MID2: variants seen among roughly 807,000 people sequenced by gnomAD.
The protein encoded by MID2 is midline 2, also known as probable E3 ubiquitin-protein ligase MID2.
MID2 carries 13 observed loss-of-function variants against 46.1 expected under a neutral mutation model. That is an observed-to-expected ratio of 0.28 (90% CI 0.18 to 0.45). MID2 has a LOEUF of 0.45. Ranked by LOEUF, MID2 falls within the 20% of genes least tolerant of loss-of-function variation. MID2 has a pLI of 1.00. For synonymous variants in MID2, 199 were observed against 212.3 expected, an observed-to-expected ratio of 0.94 and a Z score of 0.55; for missense variants, 431 against 575.4, an observed-to-expected ratio of 0.75 and a Z score of 2.57.
chrX:107,889,312 C>T (rs1175273430), intron 3 of MID2, among the ~76,000 whole-genome samples: 2 of 111,622 alleles, frequency 1.8e-5, no homozygotes, highest in African/African-American at 6.5e-5. Context: ...TTAGGGCAGG[C>T]CTGGTGGTGA....
chrX:107,888,225 A>C (rs1347507553), intron 3 of MID2, among the ~76,000 whole-genome samples: 8 of 111,621 alleles, frequency 7.2e-5, no homozygotes, highest in Admixed American at 1.9e-4. Context: ...TTAGGGTGTC[A>C]ATTTCAGATC....
intron 3 of MID2, among the ~76,000 whole-genome samples, chrX:107,889,022 T>G (rs1348030569): frequency 9.0e-6 from 1 of 111,136 alleles, no homozygotes; most frequent in Non-Finnish European, 1.9e-5. Flanking sequence ...GTCTCTGCAC[T>G]TGAGATGGGT....
intron 3 of MID2, among the ~76,000 whole-genome samples, chrX:107,854,942 A>G (rs777467745): frequency 2.7e-5 from 3 of 111,724 alleles, no homozygotes; most frequent in East Asian, 5.6e-4. Context: ...GGGGCAACCT[A>G]TTCTCCTTTC....
intron 3 of MID2, among the ~76,000 whole-genome samples, chrX:107,885,519 T>C (rs1407861660): frequency 4.5e-5 from 5 of 111,485 alleles, no homozygotes; most frequent in African/African-American, 6.5e-5. Flanking sequence ...TCCAGTCTAT[T>C]ATTGTTGGAC....
rs774632244 is a variant in MID2, at chrX:107,924,422, C to T, written c.1515C>T (p.Ser505=). The T allele has an allele frequency of 2.5e-6, 3 of 1,209,150 alleles. No individual in the cohort carries two copies. The highest frequency in any genetic ancestry group is 3.4e-6 in the Non-Finnish European group (3 of 894,381). Residue 505 remains serine (S), a synonymous_variant, in exon 8 of 10, where the codon AGC becomes AGT. Coordinates refer to ENST00000262843, the MANE Select transcript of MID2 (RefSeq NM_012216.4). ...QNHYTVHGLQ[S]GTRYIFIVKA... ...ATTACACAGTGCATGGACTCCAGAGCGGGACTCGCTACATCTTCATCGTTA... is the reference window on the plus strand; with the variant it reads ...ATTACACAGTGCATGGACTCCAGAGTGGGACTCGCTACATCTTCATCGTTA...
chrX:107,896,452 C>T (rs1932736474), intron 3 of MID2: 1 of 112,829 alleles, frequency 8.9e-6, no homozygotes, highest in South Asian at 3.6e-4. Context: ...GTTTGGTTGT[C>T]TGTTCCCTGA....
intron 3 of MID2, among the ~76,000 whole-genome samples, chrX:107,870,441 T>C (rs1932039144): frequency 9.0e-6 from 1 of 111,325 alleles, no homozygotes; most frequent in African/African-American, 3.3e-5. Context: ...TCTAAAACCA[T>C]CTAGGCCTGG....
At chrX:107,847,436 G>A (rs1172838675) in intron 2 of MID2, among the ~76,000 whole-genome samples, 1 of 111,648 alleles carries the variant, frequency 9.0e-6, no homozygotes, top group Non-Finnish European at 1.9e-5. Flanking sequence ...TATTGGAGAA[G>A]AAGGACCAAA....
rs756139554 is a variant in MID2, at chrX:107,924,471, C to G, written c.1564C>G (p.Arg522Gly). The change falls in exon 8 of 10, where the codon CGG (arginine) becomes GGG (glycine). Residue 522 changes from arginine (R) to glycine (G), a missense_variant. Physicochemically the swap from Arg to Gly is moderately radical, Grantham distance 125 (BLOSUM62 -2). Transcript: ENST00000262843. ...TAAAGCCATAAACCAAGCCGGCAGC[C>G]GGAACAGTGAACCTACCCGACTAAA... Reference protein sequence around the residue: ...IVKAINQAGSRNSEPTRLKTN... With the variant: ...IVKAINQAGSGNSEPTRLKTN... The G allele has an allele frequency of 9.1e-6, 11 of 1,211,549 alleles. No individual in the cohort carries two copies. Among genetic ancestry groups the G allele is most frequent in the Non-Finnish European group, 1.2e-5 (11 of 895,291 alleles).
Position 107,852,143 on chromosome X carries a change from C to T in MID2, c.721-2466C>T, listed in dbSNP as rs190432698. Among the ~76,000 whole-genome samples the T allele has an allele frequency of 1.3e-4, 14 of 111,809 alleles. No individual in the cohort carries two copies. The East Asian group carries it at 3.7e-3, about 29-fold the overall frequency. ...CTGACCTCAGGTGATCCACCCACCT[C>T]GGTCTCCCAAAGTGCTGGGATTACA... On this transcript the variant is annotated intron_variant, in intron 2 of 9. Coordinates refer to ENST00000262843, the MANE Select transcript of MID2 (RefSeq NM_012216.4).
intron 3 of MID2, among the ~76,000 whole-genome samples, chrX:107,890,590 G>C (rs945157862): frequency 8.9e-6 from 1 of 112,363 alleles, no homozygotes; most frequent in Non-Finnish European, 1.9e-5. Flanking sequence ...GAGGCAGTCT[G>C]TCTGTTCTCA....
intron 1 of MID2, among the ~76,000 whole-genome samples, chrX:107,826,776 G>A (rs1930960469): frequency 8.8e-6 from 1 of 113,382 alleles, no homozygotes; most frequent in South Asian, 3.5e-4. Flanking sequence ...GCCTGGGCGC[G>A]AGTCTGGGAA....
intron 7 of MID2, among the ~76,000 whole-genome samples, chrX:107,923,892 G>A (rs1411559983): frequency 8.9e-6 from 1 of 111,817 alleles, no homozygotes; most frequent in Non-Finnish European, 1.9e-5. Context: ...TGTAAAATAA[G>A]GGAAATACAG....
In MID2 at chrX:107,927,389, T is replaced by C. The variant is rs773379765; in HGVS notation, c.*316T>C. The stretch of plus-strand genomic sequence containing the variant: ...TAAATTATATTGGAAGCAATTAGGG[T>C]AATTCTAGTTAAATAATGTGGAAAG... On this transcript the variant is annotated 3_prime_UTR_variant, in exon 10 of 10. Coordinates refer to ENST00000262843, the MANE Select transcript of MID2 (RefSeq NM_012216.4). Among the ~76,000 whole-genome samples the C allele has an allele frequency of 2.7e-5, 3 of 111,535 alleles. No homozygotes were observed. The highest frequency in any genetic ancestry group is 5.7e-5 in the Non-Finnish European group (3 of 53,095).
intron 3 of MID2, among the ~76,000 whole-genome samples, chrX:107,902,292 C>T (rs966473794): frequency 5.4e-5 from 6 of 111,684 alleles, no homozygotes; most frequent in Non-Finnish European, 9.4e-5. Context: ...AAACCAGGTA[C>T]GACATCATTG....
chrX:107,913,354 G>C (rs1004850816), intron 5 of MID2, among the ~76,000 whole-genome samples: 5 of 111,631 alleles, frequency 4.5e-5, no homozygotes, highest in Non-Finnish European at 7.5e-5. Context: ...GGCTACATAT[G>C]GTGTGTTGAG....
Position 107,854,644 on chromosome X carries a change from G to A in MID2, c.756G>A (p.Lys252=). Residue 252 remains lysine (K), a synonymous_variant, in exon 3 of 10, where the codon AAG becomes AAA. Coordinates refer to ENST00000262843, the MANE Select transcript of MID2 (RefSeq NM_012216.4). ...TLEMNLTNLV[K]RNSELENQMA... is the part of the protein sequence containing the mutation. ...AGATGAACCTCACCAACCTGGTTAA[G>A]CGCAACAGCGAACTAGAAAATCAAA... is the stretch of plus-strand genomic sequence containing the variant. 8.3e-7 allele frequency: 1 copy of A among 1,211,052 alleles called. No individual in the cohort carries two copies. The highest frequency in any genetic ancestry group is 1.1e-6 in the Non-Finnish European group (1 of 894,912).
At chrX:107,846,442 C>T (rs1045504207) in intron 2 of MID2, among the ~76,000 whole-genome samples, 1 of 109,973 alleles carries the variant, frequency 9.1e-6, no homozygotes, top group African/African-American at 3.3e-5. Flanking sequence ...TCAGCTAAAC[C>T]AGCCTTCAAC....
chrX:107,870,812 A>G (rs1277966087), intron 3 of MID2, among the ~76,000 whole-genome samples: 2 of 92,378 alleles, frequency 2.2e-5, no homozygotes, highest in Non-Finnish European at 4.2e-5. Flanking sequence ...ACTATTGTCT[A>G]TATCTATAAG....
Sources: gnomAD v4.1 joint callset for allele counts (sites outside exome capture counted in the v4.1 genomes callset) on GRCh38, gnomAD v4.1.1 for gene constraint, MANE v1.5 for transcripts, NCBI Gene and HGNC (gene_info 2026-07-23, HGNC 2026-07-21) for gene names.